DAB1: variants seen among roughly 807,000 people sequenced by gnomAD.
DAB1 encodes the protein disabled homolog 1.
DAB1 carries 15 observed loss-of-function variants against 64.6 expected under a neutral mutation model. The observed-to-expected ratio is 0.23, with a 90% CI of 0.16 to 0.36. The LOEUF is 0.36. Among genes scored for constraint, DAB1 ranks in the 10% least tolerant of loss-of-function variants. The probability of loss-of-function intolerance (pLI) is 1.00; values close to 1 mark genes in which losing one functional copy is unlikely to be tolerated. For missense variants in DAB1, 596 were observed against 706.7 expected (o/e 0.84, Z 1.78); for synonymous variants, 235 against 251.9 (o/e 0.93, Z 0.64).
intron 5 of DAB1, among the ~76,000 whole-genome samples, chr1:58,071,035 G>A (rs1649203792): frequency 6.6e-6 from 1 of 152,196 alleles, no homozygotes; most frequent in Admixed American, 6.5e-5. Flanking sequence ...CAGGAATGTG[G>A]AGGGAATGGC....
intron 7 of DAB1, among the ~76,000 whole-genome samples, chr1:57,528,283 A>C (rs1209088469): frequency 6.6e-6 from 1 of 152,122 alleles, no homozygotes; most frequent in Non-Finnish European, 1.5e-5. Flanking sequence ...TAATAGAATA[A>C]AGCATTAGTG....
intron 4 of DAB1, among the ~76,000 whole-genome samples, chr1:58,158,330 G>A (rs1274668343): frequency 1.3e-5 from 2 of 152,162 alleles, no homozygotes; most frequent in African/African-American, 4.8e-5. Flanking sequence ...TGTTTAGAAG[G>A]AAAGCTATAC....
At chr1:57,520,424 A>T (rs1229013557) in intron 7 of DAB1, among the ~76,000 whole-genome samples, 1 of 152,088 alleles carries the variant, frequency 6.6e-6, no homozygotes, top group African/African-American at 2.4e-5. Context: ...AGTTCATATG[A>T]CTACTTTATT....
chr1:57,384,463 C>T (rs927418273), intron 1 of DAB1, among the ~76,000 whole-genome samples: 4 of 152,156 alleles, frequency 2.6e-5, no homozygotes, highest in Admixed American at 6.5e-5. Flanking sequence ...CATTTGTCTA[C>T]CCATATTCAT....
At chr1:58,393,032 T>C (rs1644488796) in intron 3 of DAB1, among the ~76,000 whole-genome samples, 1 of 151,830 alleles carries the variant, frequency 6.6e-6, no homozygotes, top group Admixed American at 6.6e-5. Flanking sequence ...GGCTATCTCA[T>C]CATCTCACTA....
chr1:58,399,973 C>T (rs549865692), intron 3 of DAB1, among the ~76,000 whole-genome samples: 2 of 152,026 alleles, frequency 1.3e-5, no homozygotes, highest in South Asian at 2.1e-4. Flanking sequence ...GTAACGAAAA[C>T]CAGCTCAAGC....
chr1:57,351,043 G>A (rs994915475), intron 1 of DAB1, among the ~76,000 whole-genome samples: 1 of 152,156 alleles, frequency 6.6e-6, no homozygotes, highest in Non-Finnish European at 1.5e-5. Context: ...CCATGGGCTG[G>A]GCACTGTGCC....
chr1:57,678,313 A>C (rs981008289), intron 6 of DAB1, among the ~76,000 whole-genome samples: 11 of 152,176 alleles, frequency 7.2e-5, no homozygotes, highest in Non-Finnish European at 1.5e-4. Flanking sequence ...ACTAAAACAA[A>C]CAACAGTAAA....
chr1:58,099,942 T>C (rs1040590262), intron 5 of DAB1, among the ~76,000 whole-genome samples: 1 of 152,212 alleles, frequency 6.6e-6, no homozygotes, highest in African/African-American at 2.4e-5. Context: ...GACAGCCATG[T>C]GGCTTGCTTC....
chr1:58,377,767 C>T (rs11485603), intron 3 of DAB1, among the ~76,000 whole-genome samples: 4,958 of 137,720 alleles, frequency 0.036, 741 homozygotes, highest in African/African-American at 0.13. Context: ...TAATATCCTG[C>T]AGAGTGTTTT....
At chr1:57,990,053 G>C (rs1284156807) in intron 5 of DAB1, among the ~76,000 whole-genome samples, 1 of 152,066 alleles carries the variant, frequency 6.6e-6, no homozygotes, top group African/African-American at 2.4e-5. Context: ...CAAGCTGCAA[G>C]GCACCCTGGG....
At chr1:57,611,610 TC>T (rs931002326) in intron 7 of DAB1, among the ~76,000 whole-genome samples, 2 of 152,080 alleles carry the variant, frequency 1.3e-5, no homozygotes, top group African/African-American at 4.8e-5. Context: ...CATCCAAGCC[TC>T]CACAGCTAGT....
intron 5 of DAB1, among the ~76,000 whole-genome samples, chr1:57,982,572 G>A (rs1646093062): frequency 6.6e-6 from 1 of 152,130 alleles, no homozygotes; most frequent in South Asian, 2.1e-4. Flanking sequence ...AACAAGCAGT[G>A]GTTAGTGTCA....
intron 4 of DAB1, among the ~76,000 whole-genome samples, chr1:58,226,485 A>G (rs1485744371): frequency 1.3e-5 from 2 of 152,138 alleles, no homozygotes; most frequent in Admixed American, 6.5e-5. Flanking sequence ...GTGTGTAGGA[A>G]GCCAAGTCTT....
At chr1:58,323,146 G>A (rs946968570) in intron 4 of DAB1, among the ~76,000 whole-genome samples, 3 of 151,736 alleles carry the variant, frequency 2.0e-5, no homozygotes, top group Admixed American at 1.3e-4. Context: ...CGTAAATGAC[G>A]ACTTAATGGG....
intron 7 of DAB1, among the ~76,000 whole-genome samples, chr1:57,472,527 T>C (rs1381360072): frequency 6.6e-6 from 1 of 152,240 alleles, no homozygotes; most frequent in Non-Finnish European, 1.5e-5. Context: ...ATGTTATCTA[T>C]AGATTACAGA....
intron 4 of DAB1, among the ~76,000 whole-genome samples, chr1:57,106,404 C>A (rs1655162365): frequency 6.6e-6 from 1 of 152,100 alleles, no homozygotes. Context: ...TTAAATGCTT[C>A]ATCACAGATT....
intron 1 of DAB1, among the ~76,000 whole-genome samples, chr1:57,407,245 C>T (rs1336334230): frequency 6.6e-6 from 1 of 152,040 alleles, no homozygotes; most frequent in African/African-American, 2.4e-5. Context: ...CCTGTGAAGA[C>T]AATAGAGACC....
intron 3 of DAB1, among the ~76,000 whole-genome samples, chr1:58,433,567 AAGAGAGAGAG>A (rs67547933): frequency 6.1e-5 from 7 of 114,380 alleles, no homozygotes; most frequent in Non-Finnish European, 8.9e-5. Context: ...GTCCATGCAT[AAGAGAGAGAG>A]AGAGAGAGAG....
Sources: allele counts gnomAD v4.1 joint callset (sites outside exome capture counted in the v4.1 genomes callset), GRCh38; gene constraint gnomAD v4.1.1; transcripts MANE v1.5; gene names NCBI Gene and HGNC (gene_info 2026-07-23, HGNC 2026-07-21).